The following PLEKHA7 variants were observed in gnomAD, a reference collection of about 807,000 sequenced individuals.
PLEKHA7 encodes the protein pleckstrin homology domain-containing family A member 7.
Under a neutral mutation model 170.0 loss-of-function variants are expected in PLEKHA7, and 104 were observed. That is an observed-to-expected ratio of 0.61 (90% CI 0.52 to 0.72). The LOEUF (loss-of-function observed/expected upper bound fraction) is 0.72. Ranked by LOEUF, PLEKHA7 falls within the 30% of genes least tolerant of loss-of-function variation. The pLI is 0.00. For missense variants in PLEKHA7, 1,615 were observed against 1,671.7 expected, an observed-to-expected ratio of 0.97 and a Z score of 0.59; for synonymous variants, 648 against 660.8, an observed-to-expected ratio of 0.98 and a Z score of 0.30.
chr11:16,953,940 G>A (rs1340472203), intron 3 of PLEKHA7, among the ~76,000 whole-genome samples: 1 of 152,168 alleles, frequency 6.6e-6, no homozygotes, highest in Non-Finnish European at 1.5e-5. Flanking sequence ...CCTTTATCAT[G>A]ATTAGAAAGT....
chr11:17,008,080 G>A (rs1865120195), intron 3 of PLEKHA7, among the ~76,000 whole-genome samples: 1 of 152,156 alleles, frequency 6.6e-6, no homozygotes, highest in African/African-American at 2.4e-5. Context: ...GGAGGGGAAA[G>A]TTAGCCTTAC....
At chr11:16,969,676 G>C (rs1417087523) in intron 3 of PLEKHA7, among the ~76,000 whole-genome samples, 1 of 152,204 alleles carries the variant, frequency 6.6e-6, no homozygotes, top group African/African-American at 2.4e-5. Context: ...CCTAAGAAGA[G>C]ATGTATAGCT....
intron 13 of PLEKHA7, among the ~76,000 whole-genome samples, chr11:16,808,044 G>A (rs971431952): frequency 6.6e-6 from 1 of 152,206 alleles, no homozygotes; most frequent in Non-Finnish European, 1.5e-5. Context: ...GGTTCTTGTG[G>A]TGCAGATCTG....
intron 3 of PLEKHA7, chr11:17,013,249 C>T (rs1865424598): frequency 6.6e-6 from 1 of 152,406 alleles, no homozygotes; most frequent in Non-Finnish European, 1.5e-5. Context: ...TACTGCGCCC[C>T]AATCTGACAT....
At chr11:16,815,034 G>GGAT in intron 12 of PLEKHA7, 1 of 152,996 alleles carries the variant, frequency 6.5e-6, no homozygotes, top group Non-Finnish European at 1.5e-5. Flanking sequence ...CAGAGTGTCT[G>GGAT]GCAGTAGCAT....
intron 3 of PLEKHA7, among the ~76,000 whole-genome samples, chr11:16,965,761 C>A (rs1044737896): frequency 2.0e-5 from 3 of 152,188 alleles, no homozygotes; most frequent in African/African-American, 7.2e-5. Context: ...TCGATCTTCC[C>A]ATCTATGAAA....
chr11:16,794,461 A>T (rs1200853227), intron 19 of PLEKHA7, 27 bp downstream of exon 19: 1 of 1,583,530 alleles, frequency 6.3e-7, no homozygotes, highest in Non-Finnish European at 8.7e-7. Context: ...AAACAATGGC[A>T]TTCAGCTCCT....
intron 3 of PLEKHA7, among the ~76,000 whole-genome samples, chr11:16,892,634 T>TTTTTTTC (rs1856736924): frequency 6.9e-6 from 1 of 145,302 alleles, no homozygotes; most frequent in Admixed American, 6.9e-5. Flanking sequence ...TTTTTTTTTT[T>TTTTTTTC]TTTTTTTCGT....
Position 16,925,261 on chromosome 11 carries a change from G to A in PLEKHA7, c.222-54079C>T, listed in dbSNP as rs191916081. 3.3e-3 allele frequency among the ~76,000 whole-genome samples: 503 copies of A among 152,304 alleles called. 3 individuals are homozygous for A. The highest frequency in any genetic ancestry group is 0.01 in the Middle Eastern group (3 of 294). ...TTAACAAGAACGCAGTCTGTACTTG[G>A]AGACCCGATTTTTAAAAACAACAAC... On this transcript the variant is annotated intron_variant, in intron 3 of 26. Coordinates refer to ENST00000531066, the MANE Select transcript of PLEKHA7 (RefSeq NM_001329630.2).
chr11:16,816,921 A>G lies in PLEKHA7; in HGVS notation c.1745T>C (p.Phe582Ser). 1 of 1,613,840 alleles carries G rather than the reference A, an allele frequency of 6.2e-7. No homozygotes were observed. Among genetic ancestry groups the G allele is most frequent in the Non-Finnish European group, 8.5e-7 (1 of 1,179,886 alleles). ...DIPPPGPPRV[F>S]PPRRPHTPAE... ...TGGTGTGTGTGGCCGCCGGGGTGGGAAGACCCTTGGGGGTCCTGGGGGAGG... is the reference window on the plus strand; with the variant it reads ...TGGTGTGTGTGGCCGCCGGGGTGGGGAGACCCTTGGGGGTCCTGGGGGAGG... Residue 582 changes from phenylalanine (F) to serine (S), a missense_variant, in exon 11 of 27, where the codon TTC (phenylalanine) becomes TCC (serine). By Grantham distance (155) the Phe-to-Ser change is radical. Coordinates refer to ENST00000531066, the MANE Select transcript of PLEKHA7 (RefSeq NM_001329630.2).
chr11:16,855,525 G>A (rs568351676), intron 5 of PLEKHA7: 49 of 407,546 alleles, frequency 1.2e-4, no homozygotes, highest in South Asian at 1.8e-4. Flanking sequence ...ACAGCTACAT[G>A]TAAATAGAAA....
Position 16,794,469 on chromosome 11 carries a change from C to A in PLEKHA7, c.2745+19G>T. The A allele has an allele frequency of 6.3e-7, 1 of 1,598,448 alleles. No homozygotes were observed. The highest frequency in any genetic ancestry group is 8.6e-7 in the Non-Finnish European group (1 of 1,166,250). ...AGAGAGGAAACAATGGCATTCAGCT[C>A]CTAGTTATCACTACTTACAACTTTG... On this transcript the variant is annotated intron_variant, in intron 19 of 26. Transcript: ENST00000531066.
chr11:17,005,119 C>CG lies in PLEKHA7; in HGVS notation c.221+8869dup, dbSNP rs11297032. Among the ~76,000 whole-genome samples the CG allele has an allele frequency of 6.9e-4, 105 of 151,806 alleles. 1 individual carries two copies. The highest frequency in any genetic ancestry group is 1.9e-3 in the African/African-American group (77 of 41,376). The stretch of plus-strand genomic sequence containing the variant: ...CAGCCCTCTGTCACCTCAGACTTAA[C>CG]GGGGGGGGTAAACTGGCATCTCCCT... On this transcript the variant is annotated intron_variant, in intron 3 of 26. Coordinates refer to ENST00000531066, the MANE Select transcript of PLEKHA7 (RefSeq NM_001329630.2).
At chr11:16,790,053 G>C (rs1451403805) in intron 21 of PLEKHA7, 175 bp from the exon 22 acceptor site, 1 of 638,094 alleles carries the variant, frequency 1.6e-6, no homozygotes, top group African/African-American at 1.8e-5. Flanking sequence ...GAGGATGGGG[G>C]CCAGCCCAGG....
intron 3 of PLEKHA7, among the ~76,000 whole-genome samples, chr11:16,965,861 C>T (rs1247711984): frequency 2.0e-5 from 3 of 152,164 alleles, no homozygotes; most frequent in Non-Finnish European, 2.9e-5. Context: ...GCACTGCCTG[C>T]CCAGCACATT....
chr11:16,921,121 A>T (rs1334844116), intron 3 of PLEKHA7, among the ~76,000 whole-genome samples: 3 of 151,972 alleles, frequency 2.0e-5, no homozygotes, highest in East Asian at 3.9e-4. Context: ...TTCCTTTTAC[A>T]TTTTTTTTCT....
intron 4 of PLEKHA7, among the ~76,000 whole-genome samples, chr11:16,865,552 CA>C (rs1311152300): frequency 6.6e-6 from 1 of 151,222 alleles, no homozygotes; most frequent in African/African-American, 2.4e-5. Context: ...AGTGAAACCC[CA>C]TCTCTACTAA....
intron 3 of PLEKHA7, among the ~76,000 whole-genome samples, chr11:16,972,336 G>T (rs549029034): frequency 6.6e-6 from 1 of 152,126 alleles, no homozygotes; most frequent in Admixed American, 6.5e-5. Flanking sequence ...TGCCCAGGCT[G>T]GTCTTAAACT....
chr11:16,797,048 TATCA>T (rs1387867782), intron 17 of PLEKHA7, among the ~76,000 whole-genome samples: 1 of 151,798 alleles, frequency 6.6e-6, no homozygotes, highest in African/African-American at 2.4e-5. Flanking sequence ...AATTTTTATA[TATCA>T]ATTAAAAAAA....
Sources: allele counts gnomAD v4.1 joint callset (sites outside exome capture counted in the v4.1 genomes callset), GRCh38; gene constraint gnomAD v4.1.1; transcripts MANE v1.5; gene names NCBI Gene and HGNC (gene_info 2026-07-23, HGNC 2026-07-21).